ANKS1B: variants seen among roughly 807,000 people sequenced by gnomAD.
The protein encoded by ANKS1B is ankyrin repeat and sterile alpha motif domain containing 1B, also known as ankyrin repeat and sterile alpha motif domain-containing protein 1B.
In ANKS1B, 36 loss-of-function variants were observed where a neutral mutation model predicts 148.3. That is an observed-to-expected ratio of 0.24 (90% CI 0.19 to 0.32). The LOEUF (loss-of-function observed/expected upper bound fraction) is 0.32, where lower values mean the gene tolerates loss of function less well. ANKS1B is among the 10% of genes least tolerant of loss of function. The pLI is 1.00. For missense variants in ANKS1B, 1,157 were observed against 1,542.6 expected (o/e 0.75, Z 4.19); for synonymous variants, 542 against 560.8 (o/e 0.97, Z 0.47).
chr12:99,152,670 C>A (rs73373850), intron 15 of ANKS1B, among the ~76,000 whole-genome samples: 2,805 of 152,120 alleles, frequency 0.018, 84 homozygotes, highest in African/African-American at 0.064. Context: ...GCCAAATGAT[C>A]CAGGAAATCC....
At chr12:99,731,658 T>C (rs2059172573) in intron 8 of ANKS1B, among the ~76,000 whole-genome samples, 1 of 152,082 alleles carries the variant, frequency 6.6e-6, no homozygotes, top group Admixed American at 6.6e-5. Flanking sequence ...ATATGCAAAA[T>C]AATTTGGAAT....
At chr12:99,081,267 A>G (rs2049658935) in intron 16 of ANKS1B, among the ~76,000 whole-genome samples, 1 of 152,204 alleles carries the variant, frequency 6.6e-6, no homozygotes, top group African/African-American at 2.4e-5. Flanking sequence ...TGAGCAAAGC[A>G]CCTTTTCTCT....
intron 17 of ANKS1B, among the ~76,000 whole-genome samples, chr12:99,019,916 T>C (rs1391288389): frequency 6.6e-6 from 1 of 152,164 alleles, no homozygotes; most frequent in Middle Eastern, 3.2e-3. Flanking sequence ...ATTCAGAAAG[T>C]AAAGTTTGTT....
intron 1 of ANKS1B, among the ~76,000 whole-genome samples, chr12:99,827,166 C>G (rs2083305588): frequency 6.6e-6 from 1 of 151,690 alleles, no homozygotes; most frequent in South Asian, 2.1e-4. Flanking sequence ...CATCACACAT[C>G]CAGATTCCAA....
intron 1 of ANKS1B, among the ~76,000 whole-genome samples, chr12:99,890,680 C>T (rs2093056788): frequency 6.6e-6 from 1 of 151,250 alleles, no homozygotes; most frequent in East Asian, 2.0e-4. Context: ...ATTATTTAAA[C>T]ACAGACTATG....
chr12:99,752,784 A>T (rs563017434), intron 8 of ANKS1B, among the ~76,000 whole-genome samples: 1 of 152,058 alleles, frequency 6.6e-6, no homozygotes, highest in African/African-American at 2.4e-5. Context: ...ACTAGAATTC[A>T]TTTTTTCATC....
chr12:99,439,453 T>C (rs557218675), intron 11 of ANKS1B, among the ~76,000 whole-genome samples: 2 of 151,374 alleles, frequency 1.3e-5, no homozygotes, highest in South Asian at 4.2e-4. Flanking sequence ...AAAGAATTAC[T>C]ACAAATAAAC....
At chr12:99,587,817 C>G (rs557713886) in intron 9 of ANKS1B, among the ~76,000 whole-genome samples, 2 of 151,916 alleles carry the variant, frequency 1.3e-5, no homozygotes, top group East Asian at 1.9e-4. Flanking sequence ...AAAAAAATGA[C>G]CTAGGTAAAA....
Position 99,240,264 on chromosome 12 carries a change from C to T in ANKS1B, c.2419+4078G>A, listed in dbSNP as rs189359547. 4.3e-3 allele frequency among the ~76,000 whole-genome samples: 657 copies of T among 152,170 alleles called. 4 individuals are homozygous for T. The highest frequency in any genetic ancestry group is 0.012 in the Admixed American group (181 of 15,294). On this transcript the variant is annotated intron_variant, in intron 14 of 26. Coordinates refer to ENST00000683438, the MANE Select transcript of ANKS1B (RefSeq NM_001352186.2). ...ACAAAAAAAAGCACGGATTGCAATC[C>T]TAGTCTCTGATAAAACAGATTTTAA... is the stretch of plus-strand genomic sequence containing the variant.
intron 14 of ANKS1B, among the ~76,000 whole-genome samples, chr12:99,167,288 GA>G (rs1362708298): frequency 3.9e-5 from 6 of 151,944 alleles, no homozygotes; most frequent in African/African-American, 1.2e-4. Flanking sequence ...ACAATATTAA[GA>G]GAATGAAAAA....
intron 12 of ANKS1B, among the ~76,000 whole-genome samples, chr12:99,247,739 T>C (rs1019603508): frequency 1.3e-5 from 2 of 152,234 alleles, no homozygotes; most frequent in Non-Finnish European, 2.9e-5. Flanking sequence ...AAAGACATAC[T>C]GTGTAAAAAC....
chr12:98,809,121 G>T (rs1035048679), intron 19 of ANKS1B, among the ~76,000 whole-genome samples: 3 of 152,182 alleles, frequency 2.0e-5, no homozygotes, highest in Non-Finnish European at 4.4e-5. Context: ...CCAGAGGCTT[G>T]CTGGGGATGG....
chr12:99,279,477 C>G (rs2078105386), intron 12 of ANKS1B, among the ~76,000 whole-genome samples: 1 of 152,066 alleles, frequency 6.6e-6, no homozygotes. Context: ...CTCTTCCCAC[C>G]CCCAGCCCTA....
intron 1 of ANKS1B, among the ~76,000 whole-genome samples, chr12:99,929,832 G>T (rs1358829336): frequency 1.3e-5 from 2 of 151,472 alleles, no homozygotes; most frequent in Non-Finnish European, 2.9e-5. Context: ...ATTTCTGAGG[G>T]CTCTGTTCTG....
chr12:98,840,555 A>G (rs2099400310), intron 17 of ANKS1B, among the ~76,000 whole-genome samples: 1 of 152,194 alleles, frequency 6.6e-6, no homozygotes, highest in African/African-American at 2.4e-5. Context: ...AATACTAATT[A>G]TGAGGAAATG....
intron 8 of ANKS1B, among the ~76,000 whole-genome samples, chr12:99,740,340 AC>A (rs914239044): frequency 5.9e-5 from 9 of 152,044 alleles, no homozygotes; most frequent in Non-Finnish European, 1.2e-4. Flanking sequence ...AAAACAAAAA[AC>A]AAAAAAACTA....
chr12:98,742,561 A>C (rs1441903665), downstream of ANKS1B, among the ~76,000 whole-genome samples: 6 of 152,232 alleles, frequency 3.9e-5, no homozygotes, highest in African/African-American at 1.4e-4. Context: ...GACCGACTTG[A>C]GCGGAAGACA....
At chr12:98,738,623 C>T (rs997769784) in intron 9 of ANKS1B, among the ~76,000 whole-genome samples, 4 of 152,090 alleles carry the variant, frequency 2.6e-5, no homozygotes, top group African/African-American at 4.8e-5. Flanking sequence ...AGCAGCTAAT[C>T]GGTGACAAAG....
intron 9 of ANKS1B, among the ~76,000 whole-genome samples, chr12:99,521,830 T>C (rs1314916609): frequency 6.6e-6 from 1 of 152,160 alleles, no homozygotes; most frequent in Non-Finnish European, 1.5e-5. Flanking sequence ...CTGTCAGACT[T>C]GAAGCCAGCA....
Sources: allele counts gnomAD v4.1 joint callset (sites outside exome capture counted in the v4.1 genomes callset), GRCh38; gene constraint gnomAD v4.1.1; transcripts MANE v1.5; gene names NCBI Gene and HGNC (gene_info 2026-07-23, HGNC 2026-07-21).